AOAH: variants seen among roughly 807,000 people sequenced by gnomAD.
The protein encoded by AOAH is acyloxyacyl hydrolase.
AOAH carries 64 observed loss-of-function variants against 92.2 expected under a neutral mutation model. The observed-to-expected ratio is 0.69, with a 90% confidence interval of 0.57 to 0.86. The LOEUF (loss-of-function observed/expected upper bound fraction) is 0.86, where lower values mean the gene tolerates loss of function less well. AOAH is among the 40% of genes least tolerant of loss of function. AOAH has a pLI of 0.00. For missense variants in AOAH, 656 were observed against 694.6 expected, an observed-to-expected ratio of 0.94 and a Z score of 0.62; for synonymous variants, 263 against 254.5, an observed-to-expected ratio of 1.03 and a Z score of -0.32.
intron 11 of AOAH, among the ~76,000 whole-genome samples, chr7:36,604,320 A>G (rs977882994): frequency 6.6e-6 from 1 of 152,126 alleles, no homozygotes; most frequent in Non-Finnish European, 1.5e-5. Context: ...GCTTTCTATT[A>G]TTATTATTAA....
At chr7:36,557,885 T>C (rs1182044168) in intron 13 of AOAH, among the ~76,000 whole-genome samples, 1 of 151,836 alleles carries the variant, frequency 6.6e-6, no homozygotes, top group Non-Finnish European at 1.5e-5. Context: ...TATACATTCG[T>C]CTAAATTTTT....
intron 1 of AOAH, among the ~76,000 whole-genome samples, chr7:36,701,011 G>A (rs1212742028): frequency 6.6e-6 from 1 of 151,850 alleles, no homozygotes; most frequent in African/African-American, 2.4e-5. Flanking sequence ...CATGTCCTTT[G>A]CCCACTTTTT....
chr7:36,671,143 CT>C (rs34931076), intron 3 of AOAH, among the ~76,000 whole-genome samples: 4 of 151,990 alleles, frequency 2.6e-5, no homozygotes, highest in African/African-American at 9.7e-5. Context: ...AAAAGGGTTT[CT>C]TTTTTTTACT....
At chr7:36,534,165 T>C (rs1784868751) in intron 16 of AOAH, among the ~76,000 whole-genome samples, 2 of 152,094 alleles carry the variant, frequency 1.3e-5, no homozygotes, top group African/African-American at 2.4e-5. Flanking sequence ...AACTTCATTG[T>C]TGGCTCCTCC....
At chr7:36,673,905 A>G (rs1465474349) in intron 3 of AOAH, 38 bp downstream of exon 3, 3 of 1,462,632 alleles carry the variant, frequency 2.1e-6, no homozygotes, top group Non-Finnish European at 2.8e-6. Context: ...CCCATGTCCC[A>G]GCAATGGAAT....
chr7:36,623,125 G>A (rs1340608953), intron 7 of AOAH, 65 bp downstream of exon 7: 1 of 1,335,194 alleles, frequency 7.5e-7, no homozygotes, highest in African/African-American at 1.4e-5. Context: ...TCTTATTAAA[G>A]GAAAGAAATG....
intron 20 of AOAH, among the ~76,000 whole-genome samples, chr7:36,514,993 G>A (rs1343745476): frequency 2.0e-5 from 3 of 151,706 alleles, no homozygotes; most frequent in Admixed American, 6.6e-5. Flanking sequence ...AGGTGGACAC[G>A]AACTTCACTC....
chr7:36,547,668 A>C (rs1583786407), intron 15 of AOAH, among the ~76,000 whole-genome samples: 1 of 147,256 alleles, frequency 6.8e-6, no homozygotes, highest in Admixed American at 6.8e-5. Context: ...CTGTCTCACC[A>C]TTTTTTTTTT....
chr7:36,514,341 G>T, intron 20 of AOAH: 3 of 655,694 alleles, frequency 4.6e-6, no homozygotes, highest in Non-Finnish European at 7.7e-6. Flanking sequence ...AGGCTGGCTG[G>T]GTCCCTGACT....
chr7:36,559,250 T>G (rs1178523108), intron 13 of AOAH, among the ~76,000 whole-genome samples: 2 of 152,254 alleles, frequency 1.3e-5, no homozygotes, highest in Non-Finnish European at 2.9e-5. Context: ...ATTGATTTTC[T>G]TTTGGGTATA....
chr7:36,543,919 T>A (rs10277017), intron 15 of AOAH, among the ~76,000 whole-genome samples: 36 of 147,244 alleles, frequency 2.4e-4, no homozygotes, highest in African/African-American at 8.6e-4. Flanking sequence ...AAAGTTTTCT[T>A]TTCTTTTTCT....
rs370763898 is a variant in AOAH at position 36,702,118 on chromosome 7, A to T, written c.128-15324T>A. Reference sequence around the variant, plus strand: ...ACATTTTATATCTATAAGTGTTATAAATACAACAATACAGTTTTATAATTA... The same window carrying T: ...ACATTTTATATCTATAAGTGTTATATATACAACAATACAGTTTTATAATTA... On this transcript the variant is annotated intron_variant, in intron 1 of 20. Transcript: ENST00000617537. Among the ~76,000 whole-genome samples, 74 of 152,188 alleles carry T rather than the reference A, an allele frequency of 4.9e-4. 1 individual carries two copies. The South Asian group carries it at 0.015, about 31-fold the overall frequency.
At chr7:36,615,375 C>G (rs1791785048) in intron 11 of AOAH, among the ~76,000 whole-genome samples, 1 of 152,184 alleles carries the variant, frequency 6.6e-6, no homozygotes, top group African/African-American at 2.4e-5. Flanking sequence ...TATTTTAGCA[C>G]CTTTAACGGA....
chr7:36,611,823 T>C (rs1273647913), intron 11 of AOAH, among the ~76,000 whole-genome samples: 1 of 152,192 alleles, frequency 6.6e-6, no homozygotes, highest in East Asian at 1.9e-4. Flanking sequence ...TCATAGACCT[T>C]AGCTCATTGA....
Position 36,689,545 on chromosome 7 carries a change from G to A in AOAH, c.128-2751C>T, listed in dbSNP as rs148285211. ...CTCCCACGGCTTTGATGGGCCCCTG[G>A]TGAATAGAATATGATCTTTGTTCAC... On this transcript the variant is annotated intron_variant, in intron 1 of 20. Coordinates refer to ENST00000617537, the MANE Select transcript of AOAH (RefSeq NM_001637.4). Among the ~76,000 whole-genome samples, 782 of 152,176 alleles carry A rather than the reference G, an allele frequency of 5.1e-3. 8 individuals are homozygous for A. Among genetic ancestry groups the A allele is most frequent in the African/African-American group, 0.018 (750 of 41,494 alleles).
At chr7:36,649,066 T>C (rs1794413852) in intron 4 of AOAH, among the ~76,000 whole-genome samples, 1 of 152,210 alleles carries the variant, frequency 6.6e-6, no homozygotes, top group Admixed American at 6.5e-5. Context: ...TAGTCCAATT[T>C]CAAATCAGTT....
At chr7:36,600,648 A>G (rs896622837) in intron 11 of AOAH, among the ~76,000 whole-genome samples, 1 of 152,096 alleles carries the variant, frequency 6.6e-6, no homozygotes, top group Non-Finnish European at 1.5e-5. Flanking sequence ...AGAGGTGTAG[A>G]GCAGGCCGGG....
intron 15 of AOAH, among the ~76,000 whole-genome samples, chr7:36,544,571 A>G (rs1785670780): frequency 6.6e-6 from 1 of 152,142 alleles, no homozygotes; most frequent in Non-Finnish European, 1.5e-5. Context: ...AACAGAGAAG[A>G]TGTGAAAACC....
Position 36,659,164 on chromosome 7 carries a change from A to T in AOAH, c.390+2T>A, listed in dbSNP as rs756351952. The T allele has an allele frequency of 6.2e-7, 1 of 1,611,024 alleles. No individual in the cohort carries two copies. Reference sequence around the variant, plus strand: ...AGATGTTCAGAGTGATTACACACTCACCTTGGGAAGAGGGTAGAGATGACA... The same window carrying T: ...AGATGTTCAGAGTGATTACACACTCTCCTTGGGAAGAGGGTAGAGATGACA... On this transcript the variant is annotated splice_donor_variant, in intron 4 of 20. Transcript: ENST00000617537. LOFTEE classifies it high-confidence loss of function.
Sources: gnomAD v4.1 joint callset for allele counts (sites outside exome capture counted in the v4.1 genomes callset) on GRCh38, gnomAD v4.1.1 for gene constraint, MANE v1.5 for transcripts, NCBI Gene and HGNC (gene_info 2026-07-23, HGNC 2026-07-21) for gene names.